RNF168: variants seen among roughly 807,000 people sequenced by gnomAD.
The protein encoded by RNF168 is E3 ubiquitin-protein ligase RNF168.
A neutral mutation model predicts 34.9 loss-of-function variants in RNF168; 34 were observed. The observed-to-expected ratio is 0.97, with a 90% confidence interval of 0.74 to 1.30. The LOEUF (loss-of-function observed/expected upper bound fraction) is 1.30. Ranked by LOEUF, RNF168 falls within the 50% of genes most tolerant of loss-of-function variation. RNF168 has a pLI of 0.00. For synonymous variants in RNF168, 264 were observed against 254.7 expected (o/e 1.04, Z -0.35); for missense variants, 725 against 682.5 (o/e 1.06, Z -0.69).
chr3:196,499,825 G>C (rs1033404997), intron 1 of RNF168, among the ~76,000 whole-genome samples: 2 of 152,178 alleles, frequency 1.3e-5, no homozygotes, highest in African/African-American at 4.8e-5. Flanking sequence ...CAAAAAGAAT[G>C]AATGAGCACA....
rs1312413638 is a variant in RNF168 at position 196,471,324 on chromosome 3, A to G, written c.*495T>C. 6.6e-6 allele frequency: 1 copy of G among 152,126 alleles called. No individual in the cohort carries two copies. The highest frequency in any genetic ancestry group is 1.5e-5 in the Non-Finnish European group (1 of 68,262). The allele number at this position is 152,126 out of a possible 1,614,324, so 9.4% of individuals were successfully genotyped here. A position where few individuals can be genotyped will look rare whatever the true frequency, so the allele number is the denominator to read the frequency against. The stretch of plus-strand genomic sequence containing the variant: ...CAAAGGAAATGCTACAATGCTGAAA[A>G]TTGAATTAAATTGGAGATGGAAATT... On this transcript the variant is annotated 3_prime_UTR_variant, in exon 6 of 6. Transcript: ENST00000318037.
Position 196,502,986 on chromosome 3 carries a change from C to A in RNF168, c.188G>T (p.Arg63Leu), listed in dbSNP as rs1051027879. Residue 63 changes from arginine (R) to leucine (L), a missense_variant, in exon 1 of 6, where the codon CGG becomes CTG. Arg to Leu is a moderately radical substitution (Grantham distance 102, BLOSUM62 -2). Transcript: ENST00000318037. ...FCRRRVSSWT[R>L]YHTRRNSLVN... ...GAGAGAATTTCTTCGGGTATGGTAC[C>A]GAGTCCACGACGATACCCGGCGGCG... 6.2e-7 allele frequency: 1 copy of A among 1,613,886 alleles called. No homozygotes were observed. Among genetic ancestry groups the A allele is most frequent in the Non-Finnish European group, 8.5e-7 (1 of 1,179,984 alleles).
chr3:196,496,832 C>T (rs895700807), intron 1 of RNF168, among the ~76,000 whole-genome samples: 1 of 152,058 alleles, frequency 6.6e-6, no homozygotes, highest in Non-Finnish European at 1.5e-5. Flanking sequence ...AGCAAAACCC[C>T]GTCTCTACAT....
intron 1 of RNF168, among the ~76,000 whole-genome samples, chr3:196,498,618 G>GCAGTTGTATCTC (rs1732803917): frequency 6.6e-6 from 1 of 152,162 alleles, no homozygotes; most frequent in Admixed American, 6.6e-5. Context: ...AGCAACTGAA[G>GCAGTTGTATCTC]CACTGTATCA....
rs939095807 is a variant in RNF168, at chr3:196,468,902, C to T, written c.*2917G>A. On this transcript the variant is annotated 3_prime_UTR_variant, in exon 6 of 6. Coordinates refer to ENST00000318037, the MANE Select transcript of RNF168 (RefSeq NM_152617.4). ...AAATGAGAGGAAAAAGGACCAGTAC[C>T]TGCTAGTGACTGATACATTTATTAG... 3.3e-5 allele frequency: 5 copies of T among 152,108 alleles called. No homozygotes were observed. The highest frequency in any genetic ancestry group is 1.2e-4 in the African/African-American group (5 of 41,412). The allele number at this position is 152,108 out of a possible 1,614,324, so 9.4% of individuals were successfully genotyped here.
chr3:196,502,849 A>T, intron 1 of RNF168, 24 bp downstream of exon 1: 1 of 1,608,652 alleles, frequency 6.2e-7, no homozygotes, highest in Non-Finnish European at 8.5e-7. Flanking sequence ...CTTTTGGCCA[A>T]CAAACACGCC....
Position 196,472,260 on chromosome 3 carries a change from A to G in RNF168, c.1275T>C (p.Phe425=). 1 of 1,614,052 alleles carries G rather than the reference A, an allele frequency of 6.2e-7. No individual in the cohort carries two copies. Among genetic ancestry groups the G allele is most frequent in the Non-Finnish European group, 8.5e-7 (1 of 1,179,940 alleles). ...SPDQEETEIN[F]TQKLIDLEHL... ...GCTCCAAATCTATCAGTTTTTGGGT[A>G]AAGTTTATTTCTGTTTCCTCTTGAT... The change falls in exon 6 of 6, where the codon TTT becomes TTC. Residue 425 remains phenylalanine, a synonymous_variant. Transcript: ENST00000318037.
intron 1 of RNF168, among the ~76,000 whole-genome samples, chr3:196,496,469 C>T (rs993748185): frequency 3.3e-5 from 5 of 152,158 alleles, no homozygotes; most frequent in African/African-American, 1.2e-4. Flanking sequence ...GTCCAAATTT[C>T]TCCTTTTTAT....
rs768995713 is a variant in RNF168 at position 196,472,457 on chromosome 3, CT to C, written c.1077del (p.Val361Ter). On this transcript the variant is annotated frameshift_variant, in exon 6 of 6. Coordinates refer to ENST00000318037, the MANE Select transcript of RNF168 (RefSeq NM_152617.4). LOFTEE classifies it low-confidence loss of function (END_TRUNC). The part of the protein sequence containing the change: ...GRTESGCAPT[S>X]GVTQTNGNNT... ...TTGTTTCCATTTGTCTGTGTCACCC[CT>C]GATGTGGGGGCGCACCCACTTTCTG... The C allele has an allele frequency of 2.5e-6, 4 of 1,614,002 alleles. No individual in the cohort carries two copies. The highest frequency in any genetic ancestry group is 2.2e-5 in the East Asian group (1 of 44,906).
chr3:196,478,446 A>C (rs1732204082), intron 4 of RNF168, among the ~76,000 whole-genome samples: 1 of 152,052 alleles, frequency 6.6e-6, no homozygotes, highest in African/African-American at 2.4e-5. Context: ...CTTTCCATAC[A>C]TCACGTTCCC....
chr3:196,475,646 G>A (rs1053641017), intron 4 of RNF168, among the ~76,000 whole-genome samples: 2 of 149,990 alleles, frequency 1.3e-5, no homozygotes, highest in African/African-American at 2.5e-5. Flanking sequence ...CGCCTCCCGA[G>A]TTCACGCCAT....
chr3:196,474,124 A>ATTT (rs758504791), intron 5 of RNF168, among the ~76,000 whole-genome samples: 30 of 124,288 alleles, frequency 2.4e-4, no homozygotes, highest in African/African-American at 5.2e-4. Context: ...TCATCTTGCA[A>ATTT]TTTTTTTTTT....
At chr3:196,496,590 T>C (rs978575641) in intron 1 of RNF168, among the ~76,000 whole-genome samples, 1 of 152,262 alleles carries the variant, frequency 6.6e-6, no homozygotes, top group Non-Finnish European at 1.5e-5. Flanking sequence ...ACTATTTTCA[T>C]GGATACAAGG....
At chr3:196,491,759 G>A (rs1274507483) in intron 1 of RNF168, among the ~76,000 whole-genome samples, 1 of 151,830 alleles carries the variant, frequency 6.6e-6, no homozygotes, top group Non-Finnish European at 1.5e-5. Context: ...TTTTATAATA[G>A]TCATCCATTA....
chr3:196,478,900 TAG>T (rs1732218863), intron 4 of RNF168, among the ~76,000 whole-genome samples: 1 of 150,956 alleles, frequency 6.6e-6, no homozygotes, highest in Non-Finnish European at 1.5e-5. Context: ...GTATTTTTGG[TAG>T]AGACAGGACA....
chr3:196,503,717 A>G lies in RNF168; in HGVS notation c.-544T>C, dbSNP rs1732967044. 1.1e-5 allele frequency: 2 copies of G among 176,830 alleles called. No homozygotes were observed. The highest frequency in any genetic ancestry group is 1.1e-4 in the South Asian group (1 of 9,180). The allele number at this position is 176,830 out of a possible 1,614,324, so 11.0% of individuals were successfully genotyped here. On this transcript the variant is annotated 5_prime_UTR_variant, in exon 1 of 6. Coordinates refer to ENST00000318037, the MANE Select transcript of RNF168 (RefSeq NM_152617.4). Reference sequence around the variant, plus strand: ...AGAGCTCCGCGCCCCCGTCCCTCCTACGCAGCCAGAAACCCTATTCGTTGC... The same window carrying G: ...AGAGCTCCGCGCCCCCGTCCCTCCTGCGCAGCCAGAAACCCTATTCGTTGC...
At position 196,472,631 on chromosome 3, in the gene RNF168, A is replaced by G. The variant is rs781253139; in HGVS notation, c.904T>C (p.Cys302Arg). 7 of 1,613,546 alleles carry G rather than the reference A, an allele frequency of 4.3e-6. No homozygotes were observed. In the South Asian group the frequency reaches 7.7e-5, roughly 18 times the overall value. ...SSIESPMPWL[C>R]ACGAEWYHEG... ...TGGTACCATTCGGCACCACAGGCAC[A>G]TAACCATGGCATAGGGGACTCTATT... The change falls in exon 6 of 6, where the codon TGT becomes CGT. Residue 302 changes from cysteine to arginine, a missense_variant. Transcript: ENST00000318037.
chr3:196,483,040 G>A (rs1358488758), intron 4 of RNF168, among the ~76,000 whole-genome samples: 2 of 151,234 alleles, frequency 1.3e-5, no homozygotes, highest in Non-Finnish European at 2.9e-5. Context: ...GCATTTTAGC[G>A]GTTTTCTCAT....
intron 1 of RNF168, among the ~76,000 whole-genome samples, chr3:196,500,947 G>A (rs1004271466): frequency 3.3e-5 from 5 of 152,062 alleles, no homozygotes; most frequent in African/African-American, 1.2e-4. Context: ...TCCTGACCTC[G>A]TGATCCGCCC....
Sources: gnomAD v4.1 joint callset for allele counts (sites outside exome capture counted in the v4.1 genomes callset) on GRCh38, gnomAD v4.1.1 for gene constraint, MANE v1.5 for transcripts, NCBI Gene and HGNC (gene_info 2026-07-23, HGNC 2026-07-21) for gene names.